Variants in SNAPC3 observed in about 807,000 individuals in gnomAD.
SNAPC3 encodes snRNA-activating protein complex subunit 3.
SNAPC3 carries 56 observed loss-of-function variants against 47.7 expected under a neutral mutation model. That is an observed-to-expected ratio of 1.18 (90% CI 0.95 to 1.47). The LOEUF (loss-of-function observed/expected upper bound fraction) is 1.47. Among genes scored for constraint, SNAPC3 ranks in the 40% most tolerant of loss-of-function variants. The probability of loss-of-function intolerance (pLI) is 0.00; values close to 1 mark genes in which losing one functional copy is unlikely to be tolerated. For synonymous variants in SNAPC3, 235 were observed against 189.9 expected, an observed-to-expected ratio of 1.24 and a Z score of -1.95; for missense variants, 665 against 511.3, an observed-to-expected ratio of 1.30 and a Z score of -2.90.
rs149529370 is a variant in SNAPC3 at position 15,427,926 on chromosome 9, T to C, written c.392+3940T>C. 7.1e-3 allele frequency among the ~76,000 whole-genome samples: 1,081 copies of C among 151,762 alleles called. 12 individuals carry two copies. Among genetic ancestry groups the C allele is most frequent in the African/African-American group, 0.024 (1,013 of 41,402 alleles). ...AGGAGTTCAACAGCAGCTTGGCCAA[T>C]ATGGTGAAACCCCACCTCTACTAAA... On this transcript the variant is annotated intron_variant, in intron 2 of 8. Coordinates refer to ENST00000380821, the MANE Select transcript of SNAPC3 (RefSeq NM_001039697.2).
intron 4 of SNAPC3, among the ~76,000 whole-genome samples, chr9:15,446,619 A>C (rs954947598): frequency 6.6e-6 from 1 of 152,206 alleles, no homozygotes; most frequent in Non-Finnish European, 1.5e-5. Context: ...CACACCATGT[A>C]GGGCCACAGG....
At chr9:15,448,789 C>T (rs1001483216) in intron 5 of SNAPC3, among the ~76,000 whole-genome samples, 2 of 151,876 alleles carry the variant, frequency 1.3e-5, no homozygotes, top group East Asian at 1.9e-4. Flanking sequence ...AAATTTTACG[C>T]GGAGCAGGAA....
chr9:15,427,375 C>G (rs542879047), intron 2 of SNAPC3, among the ~76,000 whole-genome samples: 1 of 152,328 alleles, frequency 6.6e-6, no homozygotes, highest in East Asian at 1.9e-4. Context: ...GACAGAGTCT[C>G]ACTCACTCTG....
At position 15,454,568 on chromosome 9, in the gene SNAPC3, T is replaced by C. The variant is rs147584516; in HGVS notation, c.980+1363T>C. 2.8e-3 allele frequency among the ~76,000 whole-genome samples: 421 copies of C among 152,154 alleles called. 2 individuals are homozygous for C. Among genetic ancestry groups the C allele is most frequent in the African/African-American group, 9.5e-3 (394 of 41,518 alleles). Reference sequence around the variant, plus strand: ...CAGGAAGGATGTCTGGGAGGAAAAATAGAACTGGTAGACTCCCGGTTGTTC... The same window carrying C: ...CAGGAAGGATGTCTGGGAGGAAAAACAGAACTGGTAGACTCCCGGTTGTTC... On this transcript the variant is annotated intron_variant, in intron 7 of 8. Transcript: ENST00000380821.
rs369703187 is a variant in SNAPC3 at position 15,427,439 on chromosome 9, C to G, written c.392+3453C>G. On this transcript the variant is annotated intron_variant, in intron 2 of 8. Transcript: ENST00000380821. ...TCTCTCCTCACTGCAACTTCTGCCT[C>G]CTGGGCTCAAGTGATTCTTCTGCCT... Among the ~76,000 whole-genome samples, 6 of 152,360 alleles carry G rather than the reference C, an allele frequency of 3.9e-5. No individual in the cohort carries two copies. In the East Asian group the frequency reaches 9.6e-4, roughly 24 times the overall value.
chr9:15,452,205 C>T (rs562503014), intron 6 of SNAPC3, among the ~76,000 whole-genome samples: 11 of 152,186 alleles, frequency 7.2e-5, no homozygotes, highest in African/African-American at 2.2e-4. Flanking sequence ...TCAAGTAAGC[C>T]GACTGCATCG....
chr9:15,452,113 C>T (rs748291208), intron 6 of SNAPC3, among the ~76,000 whole-genome samples: 32 of 152,150 alleles, frequency 2.1e-4, no homozygotes, highest in Admixed American at 3.9e-4. Context: ...CAGGTGTGTG[C>T]CATCATGCCC....
chr9:15,435,389 A>G (rs2032666291), intron 3 of SNAPC3, among the ~76,000 whole-genome samples: 2 of 152,160 alleles, frequency 1.3e-5, no homozygotes, highest in Admixed American at 6.6e-5. Context: ...CCTGACCAAC[A>G]TGGCGAAACC....
chr9:15,463,946 C>T (rs531605526), downstream of SNAPC3: 356 of 162,982 alleles, frequency 2.2e-3, 2 homozygotes, highest in African/African-American at 2.1e-3. Context: ...TTAGTTACCC[C>T]GTTTCCCAAA....
chr9:15,466,690 G>T, downstream of SNAPC3: 1 of 1,349,664 alleles, frequency 7.4e-7, no homozygotes, highest in Non-Finnish European at 1.0e-6. Flanking sequence ...GAACAGAACT[G>T]TGATTAAAAA....
At chr9:15,452,768 T>C (rs1430630676) in intron 6 of SNAPC3, among the ~76,000 whole-genome samples, 2 of 152,226 alleles carry the variant, frequency 1.3e-5, no homozygotes, top group Non-Finnish European at 2.9e-5. Context: ...GTGAAAAATA[T>C]TTTTCAAAAC....
At chr9:15,453,834 A>G (rs2034573054) in intron 7 of SNAPC3, among the ~76,000 whole-genome samples, 1 of 152,238 alleles carries the variant, frequency 6.6e-6, no homozygotes. Flanking sequence ...TTGATTCCTT[A>G]TGAGAGACCA....
In SNAPC3 at chr9:15,453,503, A is replaced by G. The variant is rs1177961602; in HGVS notation, c.980+298A>G. The G allele has an allele frequency of 2.7e-5, 6 of 223,708 alleles. No individual in the cohort carries two copies. In the South Asian group the frequency reaches 3.8e-4, roughly 14 times the overall value. 13.9% of individuals were successfully genotyped at this position (223,708 alleles called of 1,614,324 possible). ...ATTTTGTATTAAATAGCTGTTATTC[A>G]GATATAGTACTTATCCATTTATATA... On this transcript the variant is annotated intron_variant, in intron 7 of 8. Coordinates refer to ENST00000380821, the MANE Select transcript of SNAPC3 (RefSeq NM_001039697.2).
At chr9:15,459,597 G>A in intron 8 of SNAPC3, 122 bp from the exon 9 acceptor site, 1 of 711,504 alleles carries the variant, frequency 1.4e-6, no homozygotes, top group Non-Finnish European at 2.4e-6. Context: ...GGATTATTAT[G>A]CATTAATAAC....
In SNAPC3 at chr9:15,449,163, T is replaced by C. The variant is rs575118034; in HGVS notation, c.732+1919T>C. On this transcript the variant is annotated intron_variant, in intron 5 of 8. Coordinates refer to ENST00000380821, the MANE Select transcript of SNAPC3 (RefSeq NM_001039697.2). Reference sequence around the variant, plus strand: ...AATCTTCTGCAAAGTTTTTTAACCTTGTCAAAAAAAACGTAAGATGTAACT... The same window carrying C: ...AATCTTCTGCAAAGTTTTTTAACCTCGTCAAAAAAAACGTAAGATGTAACT... 6.6e-5 allele frequency among the ~76,000 whole-genome samples: 10 copies of C among 152,052 alleles called. No individual in the cohort carries two copies. In the South Asian group the frequency reaches 1.7e-3, roughly 25 times the overall value.
chr9:15,465,762 T>C (rs2035581518), downstream of SNAPC3: 6 of 531,898 alleles, frequency 1.1e-5, no homozygotes, highest in South Asian at 1.8e-4. Context: ...AAAACTGTTA[T>C]TTTACCATGT....
In SNAPC3 at chr9:15,428,036, G is replaced by A. The variant is rs1002363387; in HGVS notation, c.392+4050G>A. 1.3e-4 allele frequency among the ~76,000 whole-genome samples: 20 copies of A among 150,240 alleles called. No homozygotes were observed. In the South Asian group the frequency reaches 1.5e-3, roughly 11 times the overall value. On this transcript the variant is annotated intron_variant, in intron 2 of 8. Coordinates refer to ENST00000380821, the MANE Select transcript of SNAPC3 (RefSeq NM_001039697.2). ...TGAGGCAAGAGAATCACTTGAACCC[G>A]GGAGGTGGAGGTTGCAGTGAGCTGA...
At chr9:15,441,283 A>C (rs976214512) in intron 3 of SNAPC3, among the ~76,000 whole-genome samples, 1 of 148,492 alleles carries the variant, frequency 6.7e-6, no homozygotes, top group Non-Finnish European at 1.5e-5. Context: ...TGAATCATGT[A>C]GTAGTTCTAC....
At chr9:15,424,078 C>A in intron 2 of SNAPC3, 92 bp downstream of exon 2, 2 of 622,750 alleles carry the variant, frequency 3.2e-6, no homozygotes, top group Non-Finnish European at 5.5e-6. Flanking sequence ...TGATTGTTGT[C>A]TGTATACCCA....
Sources: allele counts gnomAD v4.1 joint callset (sites outside exome capture counted in the v4.1 genomes callset), GRCh38; gene constraint gnomAD v4.1.1; transcripts MANE v1.5; gene names NCBI Gene and HGNC (gene_info 2026-07-23, HGNC 2026-07-21).